ZFHX3: variants seen among roughly 807,000 people sequenced by gnomAD.
ZFHX3 encodes zinc finger homeobox protein 3.
ZFHX3 carries 42 observed loss-of-function variants against 279.1 expected under a neutral mutation model. The observed-to-expected ratio is 0.15, with a 90% confidence interval of 0.12 to 0.19. The LOEUF (loss-of-function observed/expected upper bound fraction) is 0.19. Ranked by LOEUF, ZFHX3 falls within the 10% of genes least tolerant of loss-of-function variation. The pLI, the probability that ZFHX3 is intolerant of heterozygous loss-of-function variation, is 1.00. For missense variants in ZFHX3, 4,981 were observed against 4,754.0 expected (o/e 1.05, Z -1.40); for synonymous variants, 2,293 against 1,957.8 (o/e 1.17, Z -4.52).
intron 2 of ZFHX3, among the ~76,000 whole-genome samples, chr16:73,460,880 C>T (rs932502853): frequency 6.6e-6 from 1 of 152,160 alleles, no homozygotes; most frequent in Non-Finnish European, 1.5e-5. Flanking sequence ...CTCCCTTCGC[C>T]TTCCAACGTG....
At chr16:73,381,822 G>A (rs1445206589) in intron 3 of ZFHX3, among the ~76,000 whole-genome samples, 1 of 152,188 alleles carries the variant, frequency 6.6e-6, no homozygotes, top group African/African-American at 2.4e-5. Flanking sequence ...AATGGTTAAA[G>A]AAAGTCTACA....
chr16:73,699,036 T>C (rs531479191), intron 1 of ZFHX3, among the ~76,000 whole-genome samples: 11 of 152,126 alleles, frequency 7.2e-5, no homozygotes, highest in Non-Finnish European at 1.2e-4. Context: ...AGGCGCCCGC[T>C]ACCACGCCTG....
chr16:73,171,721 C>A (rs975359869), intron 5 of ZFHX3, among the ~76,000 whole-genome samples: 1 of 152,142 alleles, frequency 6.6e-6, no homozygotes, highest in Non-Finnish European at 1.5e-5. Context: ...ATATTCTCTG[C>A]CTACATATTT....
intron 9 of ZFHX3, 96 bp from the exon 10 acceptor site, chr16:72,788,944 G>A (rs974279133): frequency 6.8e-7 from 1 of 1,477,936 alleles, no homozygotes. Context: ...CACAGTTTGA[G>A]ATGTCAAGGC....
intron 8 of ZFHX3, among the ~76,000 whole-genome samples, chr16:73,078,585 C>T (rs1965910703): frequency 6.6e-6 from 1 of 152,130 alleles, no homozygotes; most frequent in South Asian, 2.1e-4. Flanking sequence ...AGGTTACCCC[C>T]AGCCACCTGC....
At chr16:73,689,612 T>G (rs750713332) in intron 1 of ZFHX3, among the ~76,000 whole-genome samples, 3 of 152,062 alleles carry the variant, frequency 2.0e-5, no homozygotes, top group Non-Finnish European at 4.4e-5. Flanking sequence ...GAATGTGAAG[T>G]CAGAGAGGGA....
intron 2 of ZFHX3, among the ~76,000 whole-genome samples, chr16:73,590,010 T>C: frequency 6.6e-6 from 1 of 152,122 alleles, no homozygotes; most frequent in Non-Finnish European, 1.5e-5. Context: ...AGTAATTGTA[T>C]TGGTGGTGGT....
chr16:73,731,467 T>G (rs1035660173), intron 1 of ZFHX3, among the ~76,000 whole-genome samples: 11 of 120,324 alleles, frequency 9.1e-5, no homozygotes, highest in Admixed American at 3.0e-4. Context: ...AAAAAGGGTG[T>G]TTTTTTTTTT....
In ZFHX3 at chr16:73,705,501, T is replaced by C. The variant is rs114426007; in HGVS notation, c.-1607-25261A>G. Among the ~76,000 whole-genome samples the C allele has an allele frequency of 4.2e-3, 641 of 152,322 alleles. 3 individuals are homozygous for C. The highest frequency in any genetic ancestry group is 0.014 in the African/African-American group (592 of 41,584). On this transcript the variant is annotated intron_variant, in intron 1 of 17. Coordinates refer to the ZFHX3 transcript ENST00000641206. The stretch of plus-strand genomic sequence containing the variant: ...ATGGATAAGCCCCAACAGAATTTGC[T>C]ACTGCCTTCAATTCCTGAGTGGCCA...
intron 2 of ZFHX3, among the ~76,000 whole-genome samples, chr16:73,589,439 A>T (rs1188688742): frequency 4.7e-5 from 7 of 149,596 alleles, no homozygotes; most frequent in Admixed American, 4.7e-4. Context: ...CTCTTTCAAA[A>T]AAAAAAAAAA....
chr16:72,956,419 G>A (rs1375637177), intron 2 of ZFHX3, among the ~76,000 whole-genome samples: 1 of 152,202 alleles, frequency 6.6e-6, no homozygotes, highest in African/African-American at 2.4e-5. Flanking sequence ...ACCGGGTGGA[G>A]GCACGAGTGG....
At chr16:72,829,641 C>T in intron 5 of ZFHX3, 138 bp downstream of exon 5, 1 of 837,422 alleles carries the variant, frequency 1.2e-6, no homozygotes, top group South Asian at 1.7e-5. Context: ...ATCTCCCTCC[C>T]ACTCATCCTT....
At chr16:72,818,671 A>G (rs2036689060) in intron 5 of ZFHX3, among the ~76,000 whole-genome samples, 1 of 152,204 alleles carries the variant, frequency 6.6e-6, no homozygotes, top group Non-Finnish European at 1.5e-5. Flanking sequence ...GGCCACAGCT[A>G]AAAAGAAACT....
chr16:73,290,489 GT>G (rs1489213799), intron 4 of ZFHX3, among the ~76,000 whole-genome samples: 1 of 152,184 alleles, frequency 6.6e-6, no homozygotes, highest in Non-Finnish European at 1.5e-5. Context: ...ATGCCATGGG[GT>G]CCTCAGCTAA....
At chr16:73,379,085 T>C (rs954322638) in intron 3 of ZFHX3, among the ~76,000 whole-genome samples, 7 of 152,188 alleles carry the variant, frequency 4.6e-5, no homozygotes, top group African/African-American at 1.7e-4. Flanking sequence ...GTCAATGGCA[T>C]GTTGAGGAGG....
chr16:73,206,783 C>T (rs1005609930), intron 5 of ZFHX3, among the ~76,000 whole-genome samples: 12 of 152,080 alleles, frequency 7.9e-5, no homozygotes, highest in Non-Finnish European at 1.5e-4. Flanking sequence ...TTTGAGAGGC[C>T]GAGGCGGGTG....
chr16:73,106,624 T>C (rs748205003), intron 7 of ZFHX3, among the ~76,000 whole-genome samples: 15 of 152,160 alleles, frequency 9.9e-5, no homozygotes, highest in Non-Finnish European at 1.6e-4. Flanking sequence ...CGGCAATAAC[T>C]AGAGAGGCTG....
chr16:73,034,100 T>TA lies in ZFHX3; in HGVS notation c.-50+13651dup, dbSNP rs5817828. ...TGAACAAGAAAAACTGTAACGAACT[T>TA]AAAAAAAAAAAAAAGTCTAGGATGG... On this transcript the variant is annotated intron_variant, in intron 1 of 9. Transcript: ENST00000268489. Among the ~76,000 whole-genome samples the TA allele has an allele frequency of 3.4e-3, 484 of 141,680 alleles. 2 individuals carry two copies. The highest frequency in any genetic ancestry group is 0.011 in the Middle Eastern group (3 of 268). 92.9% of individuals were successfully genotyped at this position (141,680 alleles called of 152,430 possible).
chr16:73,234,314 C>A (rs2012875638), intron 5 of ZFHX3, among the ~76,000 whole-genome samples: 1 of 152,198 alleles, frequency 6.6e-6, no homozygotes, highest in Non-Finnish European at 1.5e-5. Context: ...AGGATGTCAA[C>A]CCCTCCTCAC....
Sources: allele counts gnomAD v4.1 joint callset (sites outside exome capture counted in the v4.1 genomes callset), GRCh38; gene constraint gnomAD v4.1.1; transcripts MANE v1.5; gene names NCBI Gene and HGNC (gene_info 2026-07-23, HGNC 2026-07-21).